Variants in CADPS observed in about 807,000 individuals in gnomAD.
CADPS encodes calcium-dependent secretion activator 1.
In CADPS, 57 loss-of-function variants were observed where a neutral mutation model predicts 167.3. The observed-to-expected ratio is 0.34, with a 90% CI of 0.28 to 0.42. The LOEUF (loss-of-function observed/expected upper bound fraction) is 0.42. Ranked by LOEUF, CADPS falls within the 20% of genes least tolerant of loss-of-function variation. The probability of loss-of-function intolerance (pLI) is 1.00; values close to 1 mark genes in which losing one functional copy is unlikely to be tolerated. For synonymous variants in CADPS, 676 were observed against 635.3 expected (o/e 1.06, Z -0.96); for missense variants, 1,414 against 1,738.1 (o/e 0.81, Z 3.32).
At chr3:62,757,733 C>G (rs1011328630) in intron 2 of CADPS, among the ~76,000 whole-genome samples, 14 of 152,178 alleles carry the variant, frequency 9.2e-5, no homozygotes, top group Non-Finnish European at 1.9e-4. Flanking sequence ...AAGACATACC[C>G]AAGACTGGGT....
At chr3:62,736,462 G>C (rs2079010790) in intron 3 of CADPS, among the ~76,000 whole-genome samples, 1 of 151,982 alleles carries the variant, frequency 6.6e-6, no homozygotes, top group African/African-American at 2.4e-5. Flanking sequence ...AATCATCTGG[G>C]GCAGTTTGCA....
chr3:62,635,719 C>A (rs1443008278), intron 6 of CADPS, among the ~76,000 whole-genome samples: 1 of 150,320 alleles, frequency 6.7e-6, no homozygotes, highest in Non-Finnish European at 1.5e-5. Flanking sequence ...GGAGCCTCAT[C>A]TAGATGGAGA....
At chr3:62,787,094 G>A (rs1267168052) in intron 1 of CADPS, among the ~76,000 whole-genome samples, 2 of 152,160 alleles carry the variant, frequency 1.3e-5, no homozygotes, top group East Asian at 3.9e-4. Flanking sequence ...CGGAGTTAGA[G>A]ACTAGTCTGA....
intron 1 of CADPS, among the ~76,000 whole-genome samples, chr3:62,856,245 C>A (rs956582442): frequency 1.3e-5 from 2 of 151,976 alleles, no homozygotes; most frequent in Non-Finnish European, 2.9e-5. Flanking sequence ...GAAGGAAGAT[C>A]AACTAGTAAA....
At chr3:62,579,121 T>A (rs919957519) in intron 8 of CADPS, among the ~76,000 whole-genome samples, 1 of 152,138 alleles carries the variant, frequency 6.6e-6, no homozygotes, top group Admixed American at 6.5e-5. Context: ...TTACTCCCGG[T>A]TGGTGGACTG....
intron 1 of CADPS, among the ~76,000 whole-genome samples, chr3:62,796,736 T>C (rs2093434517): frequency 1.3e-5 from 2 of 152,170 alleles, no homozygotes; most frequent in African/African-American, 4.8e-5. Flanking sequence ...TTATAACCAT[T>C]CAGGATCAGC....
rs772417540 is a variant in CADPS, at chr3:62,875,067, C to A, written c.-38G>T. 3.9e-6 allele frequency: 6 copies of A among 1,550,066 alleles called. No homozygotes were observed. The highest frequency in any genetic ancestry group is 1.8e-5 in the Admixed American group (1 of 55,316). On this transcript the variant is annotated 5_prime_UTR_variant, in exon 1 of 30. Transcript: ENST00000383710. Reference sequence around the variant, plus strand: ...GGAGCGGGGTCTCTGGAGCCCCCGGCTTGGAGTGCAAAAGGTGGGGGGCGC... The same window carrying A: ...GGAGCGGGGTCTCTGGAGCCCCCGGATTGGAGTGCAAAAGGTGGGGGGCGC...
intron 13 of CADPS, among the ~76,000 whole-genome samples, chr3:62,528,122 TC>T (rs2072757135): frequency 3.9e-5 from 6 of 152,180 alleles, no homozygotes; most frequent in African/African-American, 1.4e-4. Flanking sequence ...CTGTAGCATC[TC>T]ACCTGGAAAT....
intron 28 of CADPS, 138 bp downstream of exon 28, chr3:62,437,966 A>G: frequency 1.6e-6 from 1 of 616,648 alleles, no homozygotes; most frequent in East Asian, 2.9e-5. Context: ...AGCCTAAGGC[A>G]GAGGGAGAGG....
At chr3:62,790,241 C>G (rs1412240942) in intron 1 of CADPS, among the ~76,000 whole-genome samples, 4 of 152,182 alleles carry the variant, frequency 2.6e-5, no homozygotes, top group South Asian at 2.1e-4. Context: ...GCTACATAAT[C>G]ACCAACTTTA....
At chr3:62,496,848 A>G (rs1360112778) in intron 18 of CADPS, among the ~76,000 whole-genome samples, 1 of 152,198 alleles carries the variant, frequency 6.6e-6, no homozygotes, top group Non-Finnish European at 1.5e-5. Flanking sequence ...AAGATGGAAG[A>G]CGCTCAATAG....
intron 8 of CADPS, among the ~76,000 whole-genome samples, chr3:62,578,407 G>A (rs1480091163): frequency 6.6e-6 from 1 of 151,834 alleles, no homozygotes; most frequent in Non-Finnish European, 1.5e-5. Context: ...TCAGGAGATC[G>A]AGACAATTCT....
chr3:62,644,093 G>A (rs558109408), intron 6 of CADPS, among the ~76,000 whole-genome samples: 5 of 152,294 alleles, frequency 3.3e-5, no homozygotes, highest in African/African-American at 1.2e-4. Context: ...CCACTTGAAG[G>A]TATACAATGC....
intron 4 of CADPS, among the ~76,000 whole-genome samples, chr3:62,657,602 C>T (rs937132164): frequency 4.6e-5 from 7 of 152,186 alleles, no homozygotes; most frequent in African/African-American, 9.7e-5. Context: ...CAAGTCTTTT[C>T]TACCAGATTT....
At chr3:62,439,130 A>G (rs962219139) in intron 27 of CADPS, 3 of 152,132 alleles carry the variant, frequency 2.0e-5, no homozygotes, top group Admixed American at 2.0e-4. Context: ...TCAAATTTCC[A>G]CAGTAGATAT....
intron 1 of CADPS, among the ~76,000 whole-genome samples, chr3:62,831,831 T>G (rs2075147662): frequency 6.6e-6 from 1 of 152,178 alleles, no homozygotes; most frequent in African/African-American, 2.4e-5. Flanking sequence ...CCTAACTAAA[T>G]CTTTGTATTA....
intron 5 of CADPS, among the ~76,000 whole-genome samples, chr3:62,646,418 C>T (rs938621641): frequency 2.2e-4 from 34 of 151,968 alleles, no homozygotes; most frequent in African/African-American, 6.3e-4. Flanking sequence ...GCACTACGCC[C>T]GCCTCAGCCT....
chr3:62,544,945 C>T lies in CADPS; in HGVS notation c.1966+4958G>A. 1.4e-6 allele frequency: 1 copy of T among 722,728 alleles called. No individual in the cohort carries two copies. Among genetic ancestry groups the T allele is most frequent in the Non-Finnish European group, 1.9e-6 (1 of 538,836 alleles). 44.8% of individuals were successfully genotyped at this position (722,728 alleles called of 1,614,324 possible). A position where few individuals can be genotyped will look rare whatever the true frequency, so the allele number is the denominator to read the frequency against. On this transcript the variant is annotated intron_variant, in intron 11 of 29. Transcript: ENST00000383710. This position sits in a 1 kb window ranked among gnomAD's most constrained non-coding sequence, Gnocchi z 4.4. ...TCAGGAAAGCAGACAGGAGTTCTAA[C>T]CTAGCAGCCTAAGTTCTTGGGTTCG...
chr3:62,792,650 C>T (rs553688425), intron 1 of CADPS, among the ~76,000 whole-genome samples: 4 of 152,234 alleles, frequency 2.6e-5, no homozygotes, highest in African/African-American at 9.6e-5. Flanking sequence ...GGCTGGAGTG[C>T]AGTGGCAAAA....
Sources: allele counts gnomAD v4.1 joint callset (sites outside exome capture counted in the v4.1 genomes callset), GRCh38; gene constraint gnomAD v4.1.1; non-coding constraint Gnocchi (gnomAD v3.1); transcripts MANE v1.5; gene names NCBI Gene and HGNC (gene_info 2026-07-23, HGNC 2026-07-21).